The following HYLS1 variants were observed in gnomAD, a reference collection of about 807,000 sequenced individuals.
HYLS1 encodes the protein centriolar and ciliogenesis-associated protein HYLS1.
Under a neutral mutation model 29.4 loss-of-function variants are expected in HYLS1, and 25 were observed. That is an observed-to-expected ratio of 0.85 (90% confidence interval 0.62 to 1.19). The LOEUF (loss-of-function observed/expected upper bound fraction) is 1.19. HYLS1 is among the 50% of genes most tolerant of loss of function. HYLS1 has a pLI of 0.00. For missense variants in HYLS1, 352 were observed against 365.1 expected, an observed-to-expected ratio of 0.96 and a Z score of 0.29; for synonymous variants, 128 against 126.7, an observed-to-expected ratio of 1.01 and a Z score of -0.07.
intron 2 of HYLS1, chr11:125,893,590 A>C: frequency 4.2e-6 from 2 of 473,274 alleles, no homozygotes; most frequent in Non-Finnish European, 3.6e-6. Flanking sequence ...ATCCTTTTGG[A>C]CCGGGATAAG....
rs1183506440 is a variant in HYLS1 at position 125,900,192 on chromosome 11, T to A, written c.824T>A (p.Leu275His). Reference protein sequence around the residue: ...LVPTEKKRSALRWGVRCDLAN... With the variant: ...LVPTEKKRSAHRWGVRCDLAN... ...CCAACAGAGAAGAAAAGGTCTGCACTCCGTTGGGGTGTTCGTTGTGACCTT... is the reference window on the plus strand; with the variant it reads ...CCAACAGAGAAGAAAAGGTCTGCACACCGTTGGGGTGTTCGTTGTGACCTT... The change falls in exon 3 of 3, where the codon CTC (leucine) becomes CAC (histidine). Residue 275 changes from leucine to histidine, a missense_variant. By Grantham distance (99) the Leu-to-His change is moderately conservative. Transcript: ENST00000425380. 5 of 1,614,196 alleles carry A rather than the reference T, an allele frequency of 3.1e-6. No individual in the cohort carries two copies. Among genetic ancestry groups the A allele is most frequent in the Non-Finnish European group, 4.2e-6 (5 of 1,180,024 alleles).
intron 2 of HYLS1, chr11:125,895,261 G>A: frequency 6.2e-7 from 1 of 1,604,902 alleles, no homozygotes; most frequent in East Asian, 2.2e-5. Flanking sequence ...TCTATATTCA[G>A]CAGCTCATCA....
upstream of HYLS1, among the ~76,000 whole-genome samples, chr11:125,886,572 A>ATTTTT (rs68098484): frequency 0.011 from 1,273 of 117,288 alleles, 46 homozygotes; most frequent in African/African-American, 0.043. Flanking sequence ...CAAGCACTAG[A>ATTTTT]TTTTTTTTTT....
intron 1 of HYLS1, among the ~76,000 whole-genome samples, chr11:125,890,738 G>C (rs1051334375): frequency 6.6e-6 from 1 of 152,156 alleles, no homozygotes; most frequent in Non-Finnish European, 1.5e-5. Flanking sequence ...CCTCTAAAGA[G>C]AAAGGATTGT....
chr11:125,886,500 T>C (rs1286943382), upstream of HYLS1, among the ~76,000 whole-genome samples: 2 of 151,500 alleles, frequency 1.3e-5, no homozygotes, highest in Middle Eastern at 3.2e-3. Context: ...TGGTATTGAC[T>C]AGGATATTGA....
rs1591494788 is a variant in HYLS1 at position 125,891,465 on chromosome 11, G to T, written c.-33G>T. ...ATGTAAATACCAATCAAGATACATTGAAATAAGGTAAGAAATTGAAAAAAA... is the reference window on the plus strand; with the variant it reads ...ATGTAAATACCAATCAAGATACATTTAAATAAGGTAAGAAATTGAAAAAAA... On this transcript the variant is annotated 5_prime_UTR_variant, in exon 2 of 3. Coordinates refer to ENST00000425380, the MANE Select transcript of HYLS1 (RefSeq NM_001134793.2). The T allele has an allele frequency of 2.1e-4, 13 of 62,070 alleles. No individual in the cohort carries two copies. Among genetic ancestry groups the T allele is most frequent in the South Asian group, 6.2e-4 (1 of 1,602 alleles). The allele number at this position is 62,070 out of a possible 1,614,324, so 3.8% of individuals were successfully genotyped here. A position where few individuals can be genotyped will look rare whatever the true frequency, so the allele number is the denominator to read the frequency against.
chr11:125,889,778 G>GA (rs1353005276), intron 1 of HYLS1, among the ~76,000 whole-genome samples: 1 of 152,014 alleles, frequency 6.6e-6, no homozygotes, highest in Non-Finnish European at 1.5e-5. Context: ...CTGCCCTCTG[G>GA]AAAAACGGAT....
At chr11:125,898,677 A>C (rs1944664067) in intron 2 of HYLS1, among the ~76,000 whole-genome samples, 1 of 152,186 alleles carries the variant, frequency 6.6e-6, no homozygotes, top group South Asian at 2.1e-4. Flanking sequence ...TCCATCTCAA[A>C]AAAAAAAATT....
At chr11:125,888,523 C>T (rs1312856730) in intron 1 of HYLS1, among the ~76,000 whole-genome samples, 5 of 152,094 alleles carry the variant, frequency 3.3e-5, no homozygotes, top group Admixed American at 2.6e-4. Context: ...TACCCCAGCA[C>T]TTTGGGAGGC....
intron 2 of HYLS1, among the ~76,000 whole-genome samples, chr11:125,897,824 C>G (rs921612361): frequency 6.6e-6 from 1 of 152,048 alleles, no homozygotes; most frequent in African/African-American, 2.4e-5. Flanking sequence ...ATACACATAC[C>G]TTTTGGCCCA....
At position 125,899,559 on chromosome 11, in the gene HYLS1, T is replaced by G; in HGVS notation, c.191T>G (p.Leu64Arg). 6.2e-7 allele frequency: 1 copy of G among 1,614,182 alleles called. No individual in the cohort carries two copies. The highest frequency in any genetic ancestry group is 8.5e-7 in the Non-Finnish European group (1 of 1,180,028). Residue 64 changes from leucine to arginine, a missense_variant, in exon 3 of 3, where the codon CTT (leucine) becomes CGT (arginine). Transcript: ENST00000425380. ...ASVAPGKRPALPVQLQYPHVE... is the reference protein window; with the variant it reads ...ASVAPGKRPARPVQLQYPHVE... Reference sequence around the variant, plus strand: ...GTAGCCCCAGGGAAGCGACCTGCTCTTCCTGTGCAACTACAGTACCCACAT... The same window carrying G: ...GTAGCCCCAGGGAAGCGACCTGCTCGTCCTGTGCAACTACAGTACCCACAT...
upstream of HYLS1, chr11:125,887,408 G>T (rs561761292): frequency 1.7e-4 from 26 of 152,358 alleles, no homozygotes; most frequent in African/African-American, 6.0e-4. Flanking sequence ...CACCAGAGGC[G>T]TCGCAGCAAC....
At chr11:125,886,849 TAC>T (rs1944312993), upstream of HYLS1, among the ~76,000 whole-genome samples, 1 of 135,696 alleles carries the variant, frequency 7.4e-6, no homozygotes. Context: ...AGGCAGAGGT[TAC>T]AGAGAGCTGA....
chr11:125,897,502 C>T (rs1316689870), intron 2 of HYLS1, among the ~76,000 whole-genome samples: 2 of 126,988 alleles, frequency 1.6e-5, no homozygotes, highest in African/African-American at 5.7e-5. Flanking sequence ...TGAATATATA[C>T]ATCAGTTTTA....
At chr11:125,889,773 C>A (rs1012847004) in intron 1 of HYLS1, among the ~76,000 whole-genome samples, 4 of 152,072 alleles carry the variant, frequency 2.6e-5, no homozygotes, top group African/African-American at 9.7e-5. Context: ...CCAAACTGCC[C>A]TCTGGAAAAA....
chr11:125,897,626 A>G (rs957453579), intron 2 of HYLS1, among the ~76,000 whole-genome samples: 2 of 152,196 alleles, frequency 1.3e-5, no homozygotes, highest in South Asian at 2.1e-4. Context: ...AAAATTTTAA[A>G]TGCTCAATTT....
At chr11:125,885,184 G>A (rs1185220446), upstream of HYLS1, among the ~76,000 whole-genome samples, 3 of 152,194 alleles carry the variant, frequency 2.0e-5, no homozygotes, top group African/African-American at 2.4e-5. Flanking sequence ...GCACACAGTG[G>A]CTCACGCTGG....
upstream of HYLS1, chr11:125,883,728 G>C (rs977116720): frequency 6.6e-6 from 1 of 152,234 alleles, no homozygotes; most frequent in Non-Finnish European, 1.5e-5. Flanking sequence ...ACCAAAATTA[G>C]CTGGGCATGG....
In HYLS1 at chr11:125,893,728, T is replaced by C. The variant is rs12575048; in HGVS notation, c.-26+2256T>C. On this transcript the variant is annotated intron_variant, in intron 2 of 2. Coordinates refer to ENST00000425380, the MANE Select transcript of HYLS1 (RefSeq NM_001134793.2). ...ACTTGCAAGTAAATTTTTTTTTTTT[T>C]CCTTTTCTGTCCACCTACCATTAGG... 3,001 of 1,401,042 alleles carry C rather than the reference T, an allele frequency of 2.1e-3. 96 individuals carry two copies. In the East Asian group the frequency reaches 0.062, roughly 29 times the overall value. 86.8% of individuals were successfully genotyped at this position (1,401,042 alleles called of 1,614,324 possible). A position where few individuals can be genotyped will look rare whatever the true frequency, so the allele number is the denominator to read the frequency against.
Sources: allele counts gnomAD v4.1 joint callset (sites outside exome capture counted in the v4.1 genomes callset), GRCh38; gene constraint gnomAD v4.1.1; transcripts MANE v1.5; gene names NCBI Gene and HGNC (gene_info 2026-07-23, HGNC 2026-07-21).